USP25: variants seen among roughly 807,000 people sequenced by gnomAD.
The protein encoded by USP25 is ubiquitin specific peptidase 25.
A neutral mutation model predicts 158.5 loss-of-function variants in USP25; 85 were observed. The observed-to-expected ratio is 0.54, with a 90% CI of 0.45 to 0.64. USP25 has a LOEUF of 0.64. USP25 is among the 30% of genes least tolerant of loss of function. The probability of loss-of-function intolerance (pLI) is 0.00; values close to 1 mark genes in which losing one functional copy is unlikely to be tolerated. For synonymous variants in USP25, 464 were observed against 460.4 expected (o/e 1.01, Z -0.10); for missense variants, 1,242 against 1,327.3 (o/e 0.94, Z 1.00).
chr21:15,784,849 G>A (rs1045653111), intron 4 of USP25, among the ~76,000 whole-genome samples: 3 of 151,698 alleles, frequency 2.0e-5, no homozygotes, highest in Non-Finnish European at 2.9e-5. Context: ...AGAATCAAAC[G>A]AGGAATCTTC....
At chr21:15,767,214 A>AGAATGGCTT (rs2034091757) in intron 3 of USP25, among the ~76,000 whole-genome samples, 1 of 152,108 alleles carries the variant, frequency 6.6e-6, no homozygotes, top group Non-Finnish European at 1.5e-5. Context: ...GTGATAATAC[A>AGAATGGCTT]GAATGGCTTG....
chr21:15,854,444 G>A (rs2039039981), intron 20 of USP25, among the ~76,000 whole-genome samples: 2 of 151,938 alleles, frequency 1.3e-5, no homozygotes, highest in Admixed American at 6.6e-5. Flanking sequence ...ACGCCCGGCC[G>A]TGTTTTTGTT....
chr21:15,866,135 G>A lies in USP25; in HGVS notation c.2727-131G>A, dbSNP rs16990739. 8.0e-3 allele frequency: 3,348 copies of A among 416,136 alleles called. 84 individuals are homozygous for A. Among genetic ancestry groups the A allele is most frequent in the African/African-American group, 0.062 (2,997 of 48,584 alleles). The allele number at this position is 416,136 out of a possible 1,614,324, so 25.8% of individuals were successfully genotyped here. A position where few individuals can be genotyped will look rare whatever the true frequency, so the allele number is the denominator to read the frequency against. ...ATGTTTTTCACTTAAGGTTATTTAGGAGTTGTTTCTATACAAAAGTACTGC... is the reference window on the plus strand; with the variant it reads ...ATGTTTTTCACTTAAGGTTATTTAGAAGTTGTTTCTATACAAAAGTACTGC... On this transcript the variant is annotated intron_variant, in intron 21 of 25. Coordinates refer to ENST00000400183, the MANE Select transcript of USP25 (RefSeq NM_001283041.3).
chr21:15,782,821 A>G lies in USP25; in HGVS notation c.392+4794A>G, dbSNP rs551605527. On this transcript the variant is annotated intron_variant, in intron 4 of 25. Coordinates refer to ENST00000400183, the MANE Select transcript of USP25 (RefSeq NM_001283041.3). ...TTGTCCATTACATGCACAGGTACCA[A>G]CATAGAGACAGAAGAATCATGAAAA... Among the ~76,000 whole-genome samples, 141 of 152,360 alleles carry G rather than the reference A, an allele frequency of 9.3e-4. 2 individuals carry two copies. In the South Asian group the frequency reaches 0.028, roughly 30 times the overall value.
intron 20 of USP25, among the ~76,000 whole-genome samples, chr21:15,856,522 A>T (rs1272140651): frequency 1.3e-5 from 2 of 150,504 alleles, no homozygotes; most frequent in Non-Finnish European, 3.0e-5. Context: ...CCCAGGCTGG[A>T]GTGCAGTGGC....
chr21:15,878,213 A>G lies in USP25; in HGVS notation c.3206-90A>G, dbSNP rs1258316522. 5.4e-6 allele frequency: 8 copies of G among 1,486,502 alleles called. No individual in the cohort carries two copies. The African/African-American group carries it at 5.6e-5, about 10-fold the overall frequency. The allele number at this position is 1,486,502 out of a possible 1,614,324, so 92.1% of individuals were successfully genotyped here. ...CCCCAAAATGGCAATTATCTTACCT[A>G]TTAGAGTAAGTTAATATTAGTAAAT... On this transcript the variant is annotated intron_variant, in intron 25 of 25. Transcript: ENST00000400183.
At chr21:15,839,374 G>A (rs1357610297) in intron 17 of USP25, among the ~76,000 whole-genome samples, 1 of 152,150 alleles carries the variant, frequency 6.6e-6, no homozygotes, top group Non-Finnish European at 1.5e-5. Context: ...TATGGTAAAA[G>A]CCGAACTTGT....
chr21:15,810,741 A>G (rs1345368063), intron 8 of USP25, among the ~76,000 whole-genome samples: 1 of 152,172 alleles, frequency 6.6e-6, no homozygotes, highest in African/African-American at 2.4e-5. Flanking sequence ...GTAGAAATGT[A>G]TTCTGATTAA....
chr21:15,844,751 T>C (rs937369379), intron 18 of USP25, among the ~76,000 whole-genome samples: 1 of 152,176 alleles, frequency 6.6e-6, no homozygotes, highest in African/African-American at 2.4e-5. Flanking sequence ...TAGTTAATTA[T>C]TGTAAATATG....
intron 6 of USP25, among the ~76,000 whole-genome samples, chr21:15,804,474 T>A (rs2036280228): frequency 2.6e-5 from 4 of 151,856 alleles, no homozygotes; most frequent in Admixed American, 1.3e-4. Flanking sequence ...AATAATTTTA[T>A]AAGTAATTTT....
At chr21:15,867,024 A>G (rs969752648) in intron 22 of USP25, among the ~76,000 whole-genome samples, 3 of 152,116 alleles carry the variant, frequency 2.0e-5, no homozygotes, top group African/African-American at 4.8e-5. Flanking sequence ...CCTATATGCC[A>G]TATATGTTTG....
intron 9 of USP25, among the ~76,000 whole-genome samples, chr21:15,813,327 G>C (rs1197227064): frequency 6.6e-6 from 1 of 152,032 alleles, no homozygotes; most frequent in African/African-American, 2.4e-5. Flanking sequence ...TAGATTTACT[G>C]TCACATTAAT....
intron 17 of USP25, among the ~76,000 whole-genome samples, chr21:15,835,607 G>A (rs1243986280): frequency 3.9e-5 from 6 of 152,128 alleles, no homozygotes; most frequent in African/African-American, 1.2e-4. Context: ...AATAATCTTA[G>A]AATGTTGATA....
At position 15,843,943 on chromosome 21, in the gene USP25, T is replaced by C. The variant is rs2038458309; in HGVS notation, c.2337+1403T>C. Among the ~76,000 whole-genome samples the C allele has an allele frequency of 6.6e-6, 1 of 152,142 alleles. No individual in the cohort carries two copies. The highest frequency in any genetic ancestry group is 1.5e-5 in the Non-Finnish European group (1 of 67,988). ...TCCTGATTTTAAGTTTGGAAAATCA[T>C]ATGGAATTTAAATTTGCAGAAGTCA... On this transcript the variant is annotated intron_variant, in intron 18 of 25. Coordinates refer to ENST00000400183, the MANE Select transcript of USP25 (RefSeq NM_001283041.3). The surrounding 1 kb of genome is among the most constrained non-coding windows in gnomAD (Gnocchi z 4.0).
chr21:15,822,079 A>G (rs954615468), intron 10 of USP25, among the ~76,000 whole-genome samples: 3 of 151,960 alleles, frequency 2.0e-5, no homozygotes, highest in Non-Finnish European at 4.4e-5. Context: ...CAAGCATGGC[A>G]TACTAGTTAG....
intron 5 of USP25, among the ~76,000 whole-genome samples, chr21:15,797,821 T>C (rs925629002): frequency 1.3e-5 from 2 of 151,146 alleles, no homozygotes; most frequent in Admixed American, 6.6e-5. Context: ...AATATTACAG[T>C]ACTGAGAGAG....
intron 20 of USP25, among the ~76,000 whole-genome samples, chr21:15,857,736 C>G (rs2039225230): frequency 6.6e-6 from 1 of 151,934 alleles, no homozygotes. Context: ...TTATAAAATA[C>G]AGCAACTCTT....
chr21:15,818,792 T>C lies in USP25; in HGVS notation c.1026T>C (p.Ile342=). ...ATGAGTGCCTAGAAGCTGCAATGAT[T>C]GAAGGAGAAATTGAGTCTTTACATT... ...DLHECLEAAM[I]EGEIESLHSE... Residue 342 remains isoleucine (I), a synonymous_variant, in exon 10 of 26, where the codon ATT becomes ATC. Transcript: ENST00000400183. The C allele has an allele frequency of 6.2e-7, 1 of 1,613,946 alleles. No homozygotes were observed. Among genetic ancestry groups the C allele is most frequent in the South Asian group, 1.1e-5 (1 of 91,072 alleles).
At chr21:15,775,105 G>A (rs563769343) in intron 3 of USP25, among the ~76,000 whole-genome samples, 14 of 152,150 alleles carry the variant, frequency 9.2e-5, no homozygotes, top group East Asian at 3.9e-4. Flanking sequence ...CCATTCTCGC[G>A]TCTTATGATG....
Sources: gnomAD v4.1 joint callset for allele counts (sites outside exome capture counted in the v4.1 genomes callset) on GRCh38, gnomAD v4.1.1 for gene constraint, Gnocchi (gnomAD v3.1) non-coding constraint, MANE v1.5 for transcripts, NCBI Gene and HGNC (gene_info 2026-07-23, HGNC 2026-07-21) for gene names.